RNF144B: variants seen among roughly 807,000 people sequenced by gnomAD.
RNF144B encodes the protein ring finger protein 144B.
In RNF144B, 25 loss-of-function variants were observed where a neutral mutation model predicts 40.2. The observed-to-expected ratio is 0.62, with a 90% confidence interval of 0.45 to 0.87. The LOEUF (loss-of-function observed/expected upper bound fraction) is 0.87. Among genes scored for constraint, RNF144B ranks in the 40% least tolerant of loss-of-function variants. The pLI, the probability that RNF144B is intolerant of heterozygous loss-of-function variation, is 0.00. For missense variants in RNF144B, 365 were observed against 373.7 expected (o/e 0.98, Z 0.19); for synonymous variants, 145 against 136.3 (o/e 1.06, Z -0.44).
intron 2 of RNF144B, among the ~76,000 whole-genome samples, chr6:18,404,898 G>T (rs1345373607): frequency 1.3e-5 from 2 of 151,994 alleles, no homozygotes; most frequent in Non-Finnish European, 2.9e-5. Context: ...CTTTTATTGA[G>T]AATTCTCTGG....
At chr6:18,463,461 A>G (rs988187684) in intron 7 of RNF144B, 81 bp downstream of exon 7, 2 of 851,976 alleles carry the variant, frequency 2.3e-6, no homozygotes, top group African/African-American at 3.3e-5. Context: ...TTTCCTCATT[A>G]TTCCCTCCTG....
chr6:18,423,278 A>T (rs1758475054), intron 2 of RNF144B, among the ~76,000 whole-genome samples: 1 of 152,122 alleles, frequency 6.6e-6, no homozygotes, highest in South Asian at 2.1e-4. Context: ...GATGTAGAGG[A>T]GACTTTAGAG....
intron 2 of RNF144B, among the ~76,000 whole-genome samples, chr6:18,404,138 A>G (rs1368096187): frequency 1.3e-5 from 2 of 152,206 alleles, no homozygotes; most frequent in African/African-American, 4.8e-5. Flanking sequence ...AGGATTTGCA[A>G]TGTGTATGTG....
chr6:18,429,133 G>A (rs367850854), intron 3 of RNF144B, among the ~76,000 whole-genome samples: 43 of 152,242 alleles, frequency 2.8e-4, no homozygotes, highest in African/African-American at 1.0e-3. Flanking sequence ...TGAAGGTCAA[G>A]GCTCCAGTAA....
At chr6:18,421,790 G>A (rs987220770) in intron 2 of RNF144B, among the ~76,000 whole-genome samples, 4 of 152,178 alleles carry the variant, frequency 2.6e-5, no homozygotes, top group African/African-American at 9.7e-5. Flanking sequence ...GGTGCTATGA[G>A]GGCAGACGGG....
chr6:18,463,362 G>A lies in RNF144B; in HGVS notation c.753G>A (p.Val251=). Residue 251 remains valine, a synonymous_variant, in exon 7 of 8, where the codon GTG becomes GTA. Coordinates refer to ENST00000259939, the MANE Select transcript of RNF144B (RefSeq NM_182757.4). ...AACTTGGCCACTCAAGAGCATCAGT[G>A]ATGTGGAACCGAACACAGGTACCCT... The part of the protein sequence containing the change: ...RNKLGHSRAS[V]MWNRTQVVGI... 1 of 1,609,230 alleles carries A rather than the reference G, an allele frequency of 6.2e-7. No individual in the cohort carries two copies. The highest frequency in any genetic ancestry group is 1.1e-5 in the South Asian group (1 of 90,994).
rs1327247145 is a variant in RNF144B at position 18,447,946 on chromosome 6, G to A, written c.331+8202G>A. ...GGTGGGTGAAGACAGTGTTTAAGGA[G>A]GAGAGTGTCCACTGGGTCCGAAGCT... On this transcript the variant is annotated intron_variant, in intron 4 of 7. Coordinates refer to ENST00000259939, the MANE Select transcript of RNF144B (RefSeq NM_182757.4). This position sits in a 1 kb window ranked among gnomAD's most constrained non-coding sequence, Gnocchi z 5.6. 6.6e-6 allele frequency among the ~76,000 whole-genome samples: 1 copy of A among 152,106 alleles called. No homozygotes were observed. Among genetic ancestry groups the A allele is most frequent in the Non-Finnish European group, 1.5e-5 (1 of 68,024 alleles).
rs1411100303 is a variant in RNF144B at position 18,467,101 on chromosome 6, T to C, written c.*2034T>C. ...GTTTTACACGTAGCCCACTGCCTCATTATAGGTAAAAGGCATTTATAACTG... is the reference window on the plus strand; with the variant it reads ...GTTTTACACGTAGCCCACTGCCTCACTATAGGTAAAAGGCATTTATAACTG... On this transcript the variant is annotated 3_prime_UTR_variant, in exon 8 of 8. Transcript: ENST00000259939. 6.6e-6 allele frequency: 1 copy of C among 152,620 alleles called. No individual in the cohort carries two copies. The highest frequency in any genetic ancestry group is 1.5e-5 in the Non-Finnish European group (1 of 68,038). 9.5% of individuals were successfully genotyped at this position (152,620 alleles called of 1,614,324 possible).
intron 2 of RNF144B, among the ~76,000 whole-genome samples, chr6:18,403,081 A>G (rs1794824055): frequency 6.6e-6 from 1 of 152,240 alleles, no homozygotes; most frequent in Non-Finnish European, 1.5e-5. Flanking sequence ...TGTTTATGAC[A>G]TGCAAAGAGT....
chr6:18,395,737 G>A lies in RNF144B; in HGVS notation c.-36-3762G>A, dbSNP rs1794682501. On this transcript the variant is annotated intron_variant, in intron 1 of 7. Coordinates refer to ENST00000259939, the MANE Select transcript of RNF144B (RefSeq NM_182757.4). The surrounding 1 kb of genome is among the most constrained non-coding windows in gnomAD (Gnocchi z 4.5). ...TGGTGCCTGGGGGGCTGCTGAGTGG[G>A]GAAGGTCAAGGGGACTGGCTCTGGA... Among the ~76,000 whole-genome samples, 1 of 152,122 alleles carries A rather than the reference G, an allele frequency of 6.6e-6. No individual in the cohort carries two copies. Among genetic ancestry groups the A allele is most frequent in the Non-Finnish European group, 1.5e-5 (1 of 68,034 alleles).
In RNF144B at chr6:18,448,575, A is replaced by G. The variant is rs575510595; in HGVS notation, c.332-8580A>G. 3.3e-5 allele frequency among the ~76,000 whole-genome samples: 5 copies of G among 152,290 alleles called. No homozygotes were observed. The highest frequency in any genetic ancestry group is 1.2e-4 in the African/African-American group (5 of 41,548). ...GATACCTCCCAGGTTGCATCCATTCATAAATCATCCAGCAGATATTTATAG... is the reference window on the plus strand; with the variant it reads ...GATACCTCCCAGGTTGCATCCATTCGTAAATCATCCAGCAGATATTTATAG... On this transcript the variant is annotated intron_variant, in intron 4 of 7. Transcript: ENST00000259939. This position sits in a 1 kb window ranked among gnomAD's most constrained non-coding sequence, Gnocchi z 4.0.
Position 18,446,490 on chromosome 6 carries a change from T to C in RNF144B, c.331+6746T>C, listed in dbSNP as rs541406766. ...TTGCAAATATCTCTCTGGGTTGTTA[T>C]TGCTGTTCTCTGGAAACACCTGAAT... On this transcript the variant is annotated intron_variant, in intron 4 of 7. Transcript: ENST00000259939. The surrounding 1 kb of genome is among the most constrained non-coding windows in gnomAD (Gnocchi z 4.7). 4.6e-5 allele frequency among the ~76,000 whole-genome samples: 7 copies of C among 152,332 alleles called. No homozygotes were observed. In the South Asian group the frequency reaches 8.3e-4, roughly 18 times the overall value.
rs979555883 is a variant in RNF144B at position 18,405,368 on chromosome 6, G to C, written c.165+5669G>C. The stretch of plus-strand genomic sequence containing the variant: ...TTTTTTGTATTTTTAGTTGAGTTGG[G>C]GTTTCACTATGTAGGTCAGGCTGGT... On this transcript the variant is annotated intron_variant, in intron 2 of 7. Coordinates refer to ENST00000259939, the MANE Select transcript of RNF144B (RefSeq NM_182757.4). The surrounding 1 kb of genome is among the most constrained non-coding windows in gnomAD (Gnocchi z 4.5). 6.6e-6 allele frequency among the ~76,000 whole-genome samples: 1 copy of C among 151,666 alleles called. No individual in the cohort carries two copies. Among genetic ancestry groups the C allele is most frequent in the Non-Finnish European group, 1.5e-5 (1 of 67,942 alleles).
intron 1 of RNF144B, 76 bp downstream of exon 1, chr6:18,387,706 C>G: frequency 1.7e-6 from 2 of 1,198,148 alleles, no homozygotes; most frequent in South Asian, 1.3e-5. Flanking sequence ...GGAAAAAGGA[C>G]AGGAAACTCA....
intron 3 of RNF144B, among the ~76,000 whole-genome samples, chr6:18,435,896 TAGCATTA>T (rs1758808996): frequency 7.0e-6 from 1 of 142,374 alleles, no homozygotes; most frequent in Non-Finnish European, 1.5e-5. Flanking sequence ...GGGGGAGGGA[TAGCATTA>T]GGAGATATAC....
chr6:18,461,932 G>A (rs1759464621), intron 6 of RNF144B, among the ~76,000 whole-genome samples: 1 of 152,130 alleles, frequency 6.6e-6, no homozygotes, highest in Admixed American at 6.5e-5. Flanking sequence ...CACCCCTGTA[G>A]TTTCAGAGGA....
chr6:18,446,890 G>C lies in RNF144B; in HGVS notation c.331+7146G>C, dbSNP rs991687864. On this transcript the variant is annotated intron_variant, in intron 4 of 7. Transcript: ENST00000259939. This position sits in a 1 kb window ranked among gnomAD's most constrained non-coding sequence, Gnocchi z 4.7. ...GTGTGTGTGTCTGTGTGTGTGTTGT[G>C]TGTTTGTTGGCTCAACAAATATGTC... Among the ~76,000 whole-genome samples the C allele has an allele frequency of 2.0e-5, 3 of 150,308 alleles. No homozygotes were observed. The highest frequency in any genetic ancestry group is 5.0e-5 in the African/African-American group (2 of 39,978).
At chr6:18,417,025 G>T (rs1245586520) in intron 2 of RNF144B, among the ~76,000 whole-genome samples, 2 of 151,974 alleles carry the variant, frequency 1.3e-5, no homozygotes, top group Non-Finnish European at 2.9e-5. Context: ...ATCATTAAAA[G>T]GAATAAAATA....
chr6:18,427,766 C>G, intron 3 of RNF144B, 81 bp downstream of exon 3: 1 of 913,204 alleles, frequency 1.1e-6, no homozygotes, highest in Non-Finnish European at 1.7e-6. Context: ...TATTTCCCTA[C>G]CAGGGAGTCT....
Sources: gnomAD v4.1 joint callset for allele counts (sites outside exome capture counted in the v4.1 genomes callset) on GRCh38, gnomAD v4.1.1 for gene constraint, Gnocchi (gnomAD v3.1) non-coding constraint, MANE v1.5 for transcripts, NCBI Gene and HGNC (gene_info 2026-07-23, HGNC 2026-07-21) for gene names.